Variants in NCKAP5 observed in about 807,000 individuals in gnomAD.
The protein encoded by NCKAP5 is NCK associated protein 5.
A neutral mutation model predicts 167.0 loss-of-function variants in NCKAP5; 92 were observed. The ratio of observed to expected loss-of-function variants is 0.55; its 90% confidence interval spans 0.47 to 0.66. The LOEUF is 0.66. NCKAP5 is among the 30% of genes least tolerant of loss of function. The pLI is 0.00. For synonymous variants in NCKAP5, 891 were observed against 877.4 expected, an observed-to-expected ratio of 1.02 and a Z score of -0.27; for missense variants, 2,378 against 2,315.0, an observed-to-expected ratio of 1.03 and a Z score of -0.56.
At chr2:133,175,696 A>G (rs567783250) in intron 5 of NCKAP5, among the ~76,000 whole-genome samples, 1 of 152,186 alleles carries the variant, frequency 6.6e-6, no homozygotes, top group South Asian at 2.1e-4. Flanking sequence ...TTATAATCCT[A>G]TCTCTTCTGT....
chr2:133,472,310 A>T (rs1485355345), intron 3 of NCKAP5, among the ~76,000 whole-genome samples: 1 of 152,026 alleles, frequency 6.6e-6, no homozygotes, highest in Non-Finnish European at 1.5e-5. Context: ...TTTCCTTTAG[A>T]TTTCTTATAA....
chr2:133,532,307 T>C (rs1322870945), intron 2 of NCKAP5, among the ~76,000 whole-genome samples: 1 of 152,236 alleles, frequency 6.6e-6, no homozygotes, highest in African/African-American at 2.4e-5. Flanking sequence ...GTTGTGAACA[T>C]TCTTGTTCTG....
At chr2:133,085,398 AG>A (rs2080953376) in intron 6 of NCKAP5, among the ~76,000 whole-genome samples, 1 of 152,204 alleles carries the variant, frequency 6.6e-6, no homozygotes, top group Non-Finnish European at 1.5e-5. Flanking sequence ...CTTCATAATA[AG>A]TATGGCAATT....
At chr2:132,757,648 G>A (rs1410644988) in intron 16 of NCKAP5, among the ~76,000 whole-genome samples, 1 of 152,174 alleles carries the variant, frequency 6.6e-6, no homozygotes, top group Non-Finnish European at 1.5e-5. Flanking sequence ...TCAAGCTAAT[G>A]TATTTCTCAA....
chr2:132,783,342 G>C lies in NCKAP5; in HGVS notation c.3469C>G (p.Pro1157Ala). The C allele has an allele frequency of 3.1e-6, 5 of 1,613,576 alleles. No individual in the cohort carries two copies. Among genetic ancestry groups the C allele is most frequent in the Non-Finnish European group, 4.2e-6 (5 of 1,179,756 alleles). The change falls in exon 14 of 20, where the codon CCC (proline) becomes GCC (alanine). Residue 1157 changes from proline (P) to alanine (A), a missense_variant. By Grantham distance (27) the Pro-to-Ala change is conservative. Coordinates refer to ENST00000409261, the MANE Select transcript of NCKAP5 (RefSeq NM_207363.3). ...PVGLKVLMKS[P>A]QLLRKSSTVP... is the part of the protein sequence containing the mutation. Reference sequence around the variant, plus strand: ...GTGGAACTTTTCCTGAGCAGCTGGGGAGACTTCATGAGCACTTTGAGTCCC... The same window carrying C: ...GTGGAACTTTTCCTGAGCAGCTGGGCAGACTTCATGAGCACTTTGAGTCCC...
intron 6 of NCKAP5, among the ~76,000 whole-genome samples, chr2:133,019,099 A>G (rs970790664): frequency 2.6e-5 from 4 of 152,216 alleles, no homozygotes; most frequent in Non-Finnish European, 5.9e-5. Context: ...ACTGTGTCCT[A>G]TGATACCGTG....
At chr2:133,654,928 C>T in the NCKAP5 span, among the ~76,000 whole-genome samples, 3 of 152,152 alleles carry the variant, frequency 2.0e-5, no homozygotes, top group African/African-American at 7.2e-5. Flanking sequence ...AAGCTGGAGG[C>T]TTGGCAATTC....
At chr2:132,847,715 T>C (rs1688769210) in intron 11 of NCKAP5, among the ~76,000 whole-genome samples, 1 of 152,168 alleles carries the variant, frequency 6.6e-6, no homozygotes, top group Non-Finnish European at 1.5e-5. Context: ...TCAAAAGTCA[T>C]TGTGGAAGAA....
At chr2:133,384,848 G>C (rs555237228) in intron 3 of NCKAP5, among the ~76,000 whole-genome samples, 4 of 152,300 alleles carry the variant, frequency 2.6e-5, no homozygotes, top group Admixed American at 2.0e-4. Context: ...TTGGCTGTTT[G>C]TCTGTTATTG....
chr2:133,634,359 C>T, the NCKAP5 span, among the ~76,000 whole-genome samples: 1 of 152,186 alleles, frequency 6.6e-6, no homozygotes, highest in African/African-American at 2.4e-5. Context: ...GCATTTTTTA[C>T]TGAGTTCCAG....
intron 2 of NCKAP5, chr2:133,558,372 G>A (rs1414409627): frequency 6.6e-6 from 1 of 152,188 alleles, no homozygotes; most frequent in Non-Finnish European, 1.5e-5. Context: ...CAAAAGGGAG[G>A]AGAAAATAGG....
chr2:133,283,366 C>G (rs954154812), intron 4 of NCKAP5, among the ~76,000 whole-genome samples: 3 of 152,042 alleles, frequency 2.0e-5, no homozygotes, highest in African/African-American at 7.2e-5. Flanking sequence ...GCAGCACACA[C>G]TAGACTGTCT....
chr2:133,193,150 A>C, intron 5 of NCKAP5, among the ~76,000 whole-genome samples: 1 of 152,122 alleles, frequency 6.6e-6, no homozygotes, highest in South Asian at 2.1e-4. Context: ...ACAATTCCAA[A>C]AGATTATATA....
At chr2:133,372,963 T>TG (rs1559426345) in intron 3 of NCKAP5, among the ~76,000 whole-genome samples, 1 of 152,200 alleles carries the variant, frequency 6.6e-6, no homozygotes, top group Non-Finnish European at 1.5e-5. Context: ...TTCAGATCAG[T>TG]GGTACTCAGA....
chr2:133,623,617 C>T, the NCKAP5 span, among the ~76,000 whole-genome samples: 14 of 149,958 alleles, frequency 9.3e-5, 1 homozygote, highest in African/African-American at 3.5e-4. Context: ...CTCACTCCTG[C>T]AAGAATGACC....
intron 6 of NCKAP5, among the ~76,000 whole-genome samples, chr2:133,083,033 G>A (rs2080864425): frequency 6.6e-6 from 1 of 152,072 alleles, no homozygotes; most frequent in African/African-American, 2.4e-5. Flanking sequence ...TTGGGACAAC[G>A]AGCATCTTGA....
At chr2:133,340,176 T>C (rs1208684084) in intron 3 of NCKAP5, among the ~76,000 whole-genome samples, 1 of 152,236 alleles carries the variant, frequency 6.6e-6, no homozygotes, top group African/African-American at 2.4e-5. Flanking sequence ...TTACATCAGA[T>C]CACAGCAGTA....
intron 7 of NCKAP5, among the ~76,000 whole-genome samples, chr2:132,966,161 G>A (rs1427431643): frequency 1.3e-5 from 2 of 152,108 alleles, no homozygotes; most frequent in African/African-American, 4.8e-5. Context: ...GTGCAGTGGT[G>A]CGATCTCAGC....
chr2:133,172,516 A>G (rs35976316), intron 5 of NCKAP5, among the ~76,000 whole-genome samples: 21,514 of 152,218 alleles, frequency 0.14, 1,701 homozygotes, highest in East Asian at 0.38. Flanking sequence ...TTGTTGCCTA[A>G]GCTGGAGTGC....
Sources: allele counts gnomAD v4.1 joint callset (sites outside exome capture counted in the v4.1 genomes callset), GRCh38; gene constraint gnomAD v4.1.1; transcripts MANE v1.5; gene names NCBI Gene and HGNC (gene_info 2026-07-23, HGNC 2026-07-21).